The following EIF4ENIF1 variants were observed in gnomAD, a reference collection of about 807,000 sequenced individuals.
The protein encoded by EIF4ENIF1 is eukaryotic translation initiation factor 4E nuclear import factor 1.
In EIF4ENIF1, 23 loss-of-function variants were observed where a neutral mutation model predicts 110.5. The ratio of observed to expected loss-of-function variants is 0.21; its 90% confidence interval spans 0.15 to 0.29. The LOEUF (loss-of-function observed/expected upper bound fraction) is 0.29. EIF4ENIF1 is among the 10% of genes least tolerant of loss of function. The probability of loss-of-function intolerance (pLI) is 1.00; values close to 1 mark genes in which losing one functional copy is unlikely to be tolerated. For missense variants in EIF4ENIF1, 1,031 were observed against 1,221.1 expected, an observed-to-expected ratio of 0.84 and a Z score of 2.32; for synonymous variants, 440 against 437.0, an observed-to-expected ratio of 1.01 and a Z score of -0.09.
chr22:31,466,610 A>C (rs2051197630), intron 4 of EIF4ENIF1, among the ~76,000 whole-genome samples: 1 of 119,442 alleles, frequency 8.4e-6, no homozygotes, highest in Non-Finnish European at 1.6e-5. Context: ...AACAAAGCAA[A>C]TCAGCGCTTG....
intron 7 of EIF4ENIF1, among the ~76,000 whole-genome samples, chr22:31,456,487 T>C (rs1301700058): frequency 1.3e-5 from 2 of 151,898 alleles, no homozygotes; most frequent in African/African-American, 4.8e-5. Flanking sequence ...CCTCCCAAAG[T>C]GCTGGGATTA....
intron 13 of EIF4ENIF1, 21 bp from the exon 14 acceptor site, chr22:31,447,586 G>A (rs1238611130): frequency 1.9e-6 from 3 of 1,589,804 alleles, no homozygotes; most frequent in South Asian, 1.1e-5. Context: ...GGAGAGGGGA[G>A]GGTCAGGAGA....
chr22:31,475,318 GAGTC>G (rs2051532108), intron 2 of EIF4ENIF1, among the ~76,000 whole-genome samples: 1 of 152,154 alleles, frequency 6.6e-6, no homozygotes, highest in Non-Finnish European at 1.5e-5. Context: ...GTAAAGATAG[GAGTC>G]AGCCAGGTCC....
At chr22:31,471,987 G>T in intron 2 of EIF4ENIF1, 70 bp from the exon 3 acceptor site, 1 of 1,249,558 alleles carries the variant, frequency 8.0e-7, no homozygotes, top group Non-Finnish European at 1.1e-6. Flanking sequence ...CTTCTGTTCT[G>T]AATAATTCTA....
chr22:31,483,783 C>T lies in EIF4ENIF1; in HGVS notation c.96+4840G>A, dbSNP rs190467247. ...CCTCCAAAAGTCCTTCAACATGATCCGATCACTTTAAAAATGCATACTTAG... is the reference window on the plus strand; with the variant it reads ...CCTCCAAAAGTCCTTCAACATGATCTGATCACTTTAAAAATGCATACTTAG... On this transcript the variant is annotated intron_variant, in intron 2 of 18. Coordinates refer to ENST00000330125, the MANE Select transcript of EIF4ENIF1 (RefSeq NM_019843.4). 7.6e-4 allele frequency among the ~76,000 whole-genome samples: 116 copies of T among 152,184 alleles called. 1 individual carries two copies. The highest frequency in any genetic ancestry group is 2.3e-3 in the Admixed American group (35 of 15,286).
chr22:31,474,147 T>C (rs1489421594), intron 2 of EIF4ENIF1, among the ~76,000 whole-genome samples: 1 of 152,020 alleles, frequency 6.6e-6, no homozygotes, highest in Non-Finnish European at 1.5e-5. Context: ...AACCCCTGCC[T>C]TCTGGGTTGA....
At chr22:31,464,395 T>C (rs1242726751) in intron 4 of EIF4ENIF1, among the ~76,000 whole-genome samples, 2 of 151,782 alleles carry the variant, frequency 1.3e-5, no homozygotes, top group Non-Finnish European at 2.9e-5. Context: ...AAATCTATAT[T>C]TGGGGCCGGG....
At chr22:31,463,337 A>G (rs2051059930) in intron 5 of EIF4ENIF1, among the ~76,000 whole-genome samples, 2 of 152,236 alleles carry the variant, frequency 1.3e-5, no homozygotes, top group Middle Eastern at 6.8e-3. Context: ...CTGGTATAAA[A>G]AAAGTGAATA....
At chr22:31,446,366 CAGAA>C (rs1354149275) in intron 14 of EIF4ENIF1, among the ~76,000 whole-genome samples, 1 of 150,576 alleles carries the variant, frequency 6.6e-6, no homozygotes, top group Non-Finnish European at 1.5e-5. Flanking sequence ...ATGCTATAGA[CAGAA>C]AGCACGTGAG....
chr22:31,462,887 T>A, intron 6 of EIF4ENIF1, 45 bp downstream of exon 6: 10 of 1,597,556 alleles, frequency 6.3e-6, no homozygotes, highest in Non-Finnish European at 8.5e-6. Context: ...CCAGCCTACA[T>A]CTCATTTTAA....
At chr22:31,488,526 G>A (rs2052130336) in intron 2 of EIF4ENIF1, 97 bp downstream of exon 2, 3 of 1,529,318 alleles carry the variant, frequency 2.0e-6, no homozygotes, top group Non-Finnish European at 1.8e-6. Context: ...TAGTGAGTCA[G>A]AATGAGATTA....
chr22:31,477,462 T>A (rs1383597316), intron 2 of EIF4ENIF1, among the ~76,000 whole-genome samples: 1 of 151,984 alleles, frequency 6.6e-6, no homozygotes, highest in Non-Finnish European at 1.5e-5. Flanking sequence ...TTAGAGTTAT[T>A]GCTCTAATCA....
chr22:31,467,880 A>AT (rs957776973), intron 4 of EIF4ENIF1, among the ~76,000 whole-genome samples: 11 of 152,146 alleles, frequency 7.2e-5, no homozygotes, highest in African/African-American at 2.7e-4. Context: ...GCATAATGAG[A>AT]TTTCCAGCAC....
intron 7 of EIF4ENIF1, among the ~76,000 whole-genome samples, chr22:31,456,267 A>G (rs1199192285): frequency 1.4e-5 from 2 of 140,870 alleles, no homozygotes; most frequent in Non-Finnish European, 3.0e-5. Context: ...TCTGTCACCC[A>G]GGCTGGAGTG....
At chr22:31,490,398 G>C (rs1424252632), upstream of EIF4ENIF1, among the ~76,000 whole-genome samples, 1 of 152,222 alleles carries the variant, frequency 6.6e-6, no homozygotes. Flanking sequence ...CGTGATCTTA[G>C]GCAAAGCTGA....
intron 18 of EIF4ENIF1, 84 bp downstream of exon 18, chr22:31,440,620 T>A: frequency 6.8e-7 from 1 of 1,464,320 alleles, no homozygotes; most frequent in Non-Finnish European, 9.2e-7. Context: ...AAAGTGTTAA[T>A]TCATCTCCAC....
At chr22:31,451,765 T>C (rs972021113) in intron 10 of EIF4ENIF1, among the ~76,000 whole-genome samples, 3 of 151,912 alleles carry the variant, frequency 2.0e-5, no homozygotes, top group African/African-American at 7.2e-5. Context: ...TAGCTCGAAC[T>C]ATAGGTGTAC....
intron 6 of EIF4ENIF1, among the ~76,000 whole-genome samples, chr22:31,458,859 A>G (rs969290554): frequency 6.6e-6 from 1 of 151,808 alleles, no homozygotes; most frequent in Non-Finnish European, 1.5e-5. Context: ...TAGAATACCA[A>G]TGGGATGTGG....
chr22:31,444,686 G>C lies in EIF4ENIF1; in HGVS notation c.1993C>G (p.Gln665Glu), dbSNP rs1015068644. The C allele has an allele frequency of 3.1e-6, 5 of 1,614,020 alleles. No homozygotes were observed. The highest frequency in any genetic ancestry group is 4.2e-6 in the Non-Finnish European group (5 of 1,179,940). Residue 665 changes from glutamine (Q) to glutamate (E), a missense_variant, in exon 15 of 19, where the codon CAG becomes GAG. This residue lies in a region of EIF4ENIF1 where 704 missense variants were observed against 879.7 expected (regional missense o/e 0.80). Transcript: ENST00000330125. ...GGTGCTGGTGACTTGGTCACTCGCT[G>C]TTGCCTGTGAACAAACCAATTATCA... ...RTRDGFRNRQ[Q>E]RVTKSPAPVH...
Sources: allele counts gnomAD v4.1 joint callset (sites outside exome capture counted in the v4.1 genomes callset), GRCh38; gene constraint gnomAD v4.1.1; regional missense constraint gnomAD v4.1.1; transcripts MANE v1.5; gene names NCBI Gene and HGNC (gene_info 2026-07-23, HGNC 2026-07-21).